Variants in PDIA5 observed in about 807,000 individuals in gnomAD.
The protein encoded by PDIA5 is protein disulfide-isomerase A5.
A neutral mutation model predicts 77.6 loss-of-function variants in PDIA5; 58 were observed. The ratio of observed to expected loss-of-function variants is 0.75; its 90% CI spans 0.61 to 0.93. The LOEUF is 0.93. Ranked by LOEUF, PDIA5 falls within the 40% of genes least tolerant of loss-of-function variation. The probability of loss-of-function intolerance (pLI) is 0.00; values close to 1 mark genes in which losing one functional copy is unlikely to be tolerated. For missense variants in PDIA5, 630 were observed against 647.7 expected (o/e 0.97, Z 0.30); for synonymous variants, 250 against 252.1 (o/e 0.99, Z 0.08).
intron 15 of PDIA5, among the ~76,000 whole-genome samples, chr3:123,156,299 A>G (rs1203322891): frequency 1.3e-5 from 2 of 152,182 alleles, no homozygotes; most frequent in Non-Finnish European, 2.9e-5. Context: ...TGGAGTCAGG[A>G]GGTCCCATTG....
At chr3:123,069,965 C>T (rs1560487944) in intron 1 of PDIA5, among the ~76,000 whole-genome samples, 1 of 151,908 alleles carries the variant, frequency 6.6e-6, no homozygotes, top group Non-Finnish European at 1.5e-5. Context: ...TAGCGGGCGC[C>T]TGTAGTCCCA....
At chr3:123,140,560 G>C (rs915721639) in intron 11 of PDIA5, among the ~76,000 whole-genome samples, 4 of 152,182 alleles carry the variant, frequency 2.6e-5, no homozygotes, top group African/African-American at 7.2e-5. Context: ...CAGAACAAAG[G>C]TAGGATTGCG....
At chr3:123,115,158 C>T (rs892926190) in intron 7 of PDIA5, among the ~76,000 whole-genome samples, 1 of 152,174 alleles carries the variant, frequency 6.6e-6, no homozygotes, top group Admixed American at 6.5e-5. Context: ...TTCCAGGCAG[C>T]TTTGGTTCTG....
chr3:123,155,090 C>T (rs768900285), intron 15 of PDIA5, 49 bp downstream of exon 15: 13 of 1,253,138 alleles, frequency 1.0e-5, no homozygotes, highest in African/African-American at 1.5e-5. Flanking sequence ...CTAATTCCTA[C>T]ACCTTCCTTC....
At chr3:123,089,131 A>T (rs773181193) in intron 1 of PDIA5, 37 bp from the exon 2 acceptor site, 1 of 1,600,150 alleles carries the variant, frequency 6.2e-7, no homozygotes, top group African/African-American at 1.3e-5. Context: ...CCCAGCCAGA[A>T]GCTGGAACTC....
At chr3:123,105,079 A>C (rs1159038097) in intron 5 of PDIA5, among the ~76,000 whole-genome samples, 3 of 152,088 alleles carry the variant, frequency 2.0e-5, no homozygotes, top group Non-Finnish European at 4.4e-5. Context: ...CTTGATGCTG[A>C]GGTGGAGAAG....
At chr3:123,104,239 G>A (rs761184666) in intron 5 of PDIA5, among the ~76,000 whole-genome samples, 5 of 152,156 alleles carry the variant, frequency 3.3e-5, no homozygotes, top group Non-Finnish European at 7.3e-5. Context: ...TTCAGTTTCA[G>A]TTGGAGAGAG....
chr3:123,110,280 T>C (rs1330681333), intron 6 of PDIA5, among the ~76,000 whole-genome samples: 1 of 152,224 alleles, frequency 6.6e-6, no homozygotes, highest in Non-Finnish European at 1.5e-5. Flanking sequence ...TGCCTGGCAC[T>C]GTTCTAAGGG....
At chr3:123,156,031 G>A (rs189822211) in intron 15 of PDIA5, among the ~76,000 whole-genome samples, 4 of 152,208 alleles carry the variant, frequency 2.6e-5, no homozygotes, top group East Asian at 1.9e-4. Context: ...TCCCAGGGCC[G>A]GGTGGGCAGG....
intron 3 of PDIA5, among the ~76,000 whole-genome samples, chr3:123,100,830 G>A (rs1313523302): frequency 6.6e-6 from 1 of 152,234 alleles, no homozygotes; most frequent in Admixed American, 6.5e-5. Context: ...GTGCACAGCT[G>A]TGTGAAGCTG....
chr3:123,089,010 C>T, intron 1 of PDIA5, 158 bp from the exon 2 acceptor site: 1 of 636,178 alleles, frequency 1.6e-6, no homozygotes, highest in Non-Finnish European at 2.7e-6. Context: ...TGGGGAGTGT[C>T]CCTAGAGGTG....
chr3:123,139,597 G>A (rs901045774), intron 11 of PDIA5, among the ~76,000 whole-genome samples: 1 of 152,202 alleles, frequency 6.6e-6, no homozygotes, highest in African/African-American at 2.4e-5. Flanking sequence ...CTCCTAGTGA[G>A]GTGCAGAGGA....
chr3:123,103,983 A>G lies in PDIA5; in HGVS notation c.387+1187A>G, dbSNP rs149134918. ...TATGTTTAACCGGGACCTCTGAGGA[A>G]TCTGTCTTGGGCTTATGGAGCAGGG... On this transcript the variant is annotated intron_variant, in intron 5 of 16. Coordinates refer to ENST00000316218, the MANE Select transcript of PDIA5 (RefSeq NM_006810.4). Among the ~76,000 whole-genome samples, 23 of 152,226 alleles carry G rather than the reference A, an allele frequency of 1.5e-4. No homozygotes were observed. The East Asian group carries it at 1.9e-3, about 13-fold the overall frequency.
At chr3:123,114,655 T>G (rs1266314133) in intron 7 of PDIA5, among the ~76,000 whole-genome samples, 5 of 152,252 alleles carry the variant, frequency 3.3e-5, no homozygotes, top group Admixed American at 3.3e-4. Context: ...CCTGCTTCTG[T>G]TCTCCTCTTT....
At chr3:123,116,164 C>A (rs989379084) in intron 7 of PDIA5, 67 bp from the exon 8 acceptor site, 18 of 1,300,946 alleles carry the variant, frequency 1.4e-5, no homozygotes, top group Non-Finnish European at 1.8e-5. Context: ...CATGGGGAGG[C>A]AGGGCAGGGT....
chr3:123,084,892 C>T (rs73195656), intron 1 of PDIA5, among the ~76,000 whole-genome samples: 19,460 of 152,140 alleles, frequency 0.13, 1,498 homozygotes, highest in Non-Finnish European at 0.18. Context: ...TCTGAGGTCA[C>T]GGCCAGATGA....
intron 11 of PDIA5, among the ~76,000 whole-genome samples, chr3:123,136,725 CAAAAAAA>C (rs59022235): frequency 2.8e-5 from 2 of 71,530 alleles, no homozygotes; most frequent in Middle Eastern, 8.9e-3. Flanking sequence ...GGTGACAAGA[CAAAAAAA>C]AAAAAAAAAA....
chr3:123,104,836 C>A (rs1434716186), intron 5 of PDIA5, among the ~76,000 whole-genome samples: 2 of 152,208 alleles, frequency 1.3e-5, no homozygotes, highest in Non-Finnish European at 2.9e-5. Flanking sequence ...GGACTCAGAG[C>A]ACCCAGAATA....
chr3:123,112,534 C>CTTTTTTTTTT (rs55977938), intron 7 of PDIA5, among the ~76,000 whole-genome samples: 1 of 61,452 alleles, frequency 1.6e-5, no homozygotes, highest in East Asian at 5.7e-4. Flanking sequence ...CAGCCCTATT[C>CTTTTTTTTTT]TTTTTTTTTT....
Sources: allele counts gnomAD v4.1 joint callset (sites outside exome capture counted in the v4.1 genomes callset), GRCh38; gene constraint gnomAD v4.1.1; transcripts MANE v1.5; gene names NCBI Gene and HGNC (gene_info 2026-07-23, HGNC 2026-07-21).